The following NOL4L variants were observed in gnomAD, a reference collection of about 807,000 sequenced individuals.
The protein encoded by NOL4L is nucleolar protein 4 like, also known as nucleolar protein 4-like.
Under a neutral mutation model 64.5 loss-of-function variants are expected in NOL4L, and 7 were observed. That is an observed-to-expected ratio of 0.11 (90% confidence interval 0.06 to 0.20). The LOEUF (loss-of-function observed/expected upper bound fraction) is 0.20. NOL4L is among the 10% of genes least tolerant of loss of function. The pLI, the probability that NOL4L is intolerant of heterozygous loss-of-function variation, is 1.00. For synonymous variants in NOL4L, 413 were observed against 401.0 expected, an observed-to-expected ratio of 1.03 and a Z score of -0.36; for missense variants, 680 against 967.1, an observed-to-expected ratio of 0.70 and a Z score of 3.94.
At chr20:32,584,098 C>CT (rs1486641237) in intron 1 of NOL4L, among the ~76,000 whole-genome samples, 2 of 139,358 alleles carry the variant, frequency 1.4e-5, no homozygotes, top group Admixed American at 6.9e-5. Context: ...GCCTCCCTCC[C>CT]CCCCCCCCAC....
At chr20:32,512,044 AC>A (rs1035341967) in intron 3 of NOL4L, among the ~76,000 whole-genome samples, 2 of 150,750 alleles carry the variant, frequency 1.3e-5, no homozygotes, top group African/African-American at 2.4e-5. Flanking sequence ...CAGCAAACCC[AC>A]CCCCACAACA....
At chr20:32,543,659 G>A (rs1048191860) in intron 1 of NOL4L, among the ~76,000 whole-genome samples, 13 of 152,128 alleles carry the variant, frequency 8.5e-5, no homozygotes, top group Middle Eastern at 3.4e-3. Context: ...GTGTGGTGGT[G>A]CACACCTGTA....
chr20:32,447,860 C>T (rs2012453247), intron 10 of NOL4L, 44 bp from the exon 11 acceptor site: 2 of 1,514,914 alleles, frequency 1.3e-6, no homozygotes, highest in Non-Finnish European at 1.8e-6. Context: ...GCCACCCTGC[C>T]TGGCATCTGG....
chr20:32,448,878 T>C lies in NOL4L; in HGVS notation c.1823-1062A>G, dbSNP rs76263517. 9.0e-3 allele frequency among the ~76,000 whole-genome samples: 1,370 copies of C among 152,300 alleles called. 27 individuals are homozygous for C. The highest frequency in any genetic ancestry group is 0.03 in the African/African-American group (1,262 of 41,554). ...TCTGCTACTTCATTGGCAAATTCTT[T>C]AACTTCTCTGGGCCTCAGAGCCCTC... On this transcript the variant is annotated intron_variant, in intron 10 of 10. Transcript: ENST00000621426.
chr20:32,509,659 A>G (rs1295270146), intron 4 of NOL4L: 3 of 887,992 alleles, frequency 3.4e-6, no homozygotes, highest in Non-Finnish European at 4.5e-6. Flanking sequence ...CACCTAACCC[A>G]TAGTCTTAAC....
At chr20:32,477,049 C>T (rs1161995622) in intron 4 of NOL4L, among the ~76,000 whole-genome samples, 2 of 152,210 alleles carry the variant, frequency 1.3e-5, no homozygotes, top group Non-Finnish European at 2.9e-5. Flanking sequence ...AAGTTCCCCT[C>T]CCACAGTGCA....
In NOL4L at chr20:32,459,486, C is replaced by A. The variant is rs140913154; in HGVS notation, c.842-3091G>T. On this transcript the variant is annotated intron_variant, in intron 5 of 10. Coordinates refer to ENST00000621426, the MANE Select transcript of NOL4L (RefSeq NM_001256798.2). ...GCAACCTCCACCTCCCAGGTTCAAGCGATTCTCCTGCCTCAGCCTCCCAAG... is the reference window on the plus strand; with the variant it reads ...GCAACCTCCACCTCCCAGGTTCAAGAGATTCTCCTGCCTCAGCCTCCCAAG... Among the ~76,000 whole-genome samples the A allele has an allele frequency of 4.4e-3, 672 of 151,350 alleles. 7 individuals are homozygous for A. The highest frequency in any genetic ancestry group is 0.022 in the South Asian group (105 of 4,792).
intron 1 of NOL4L, among the ~76,000 whole-genome samples, chr20:32,533,984 A>G (rs1202973531): frequency 6.6e-6 from 1 of 152,244 alleles, no homozygotes; most frequent in Non-Finnish European, 1.5e-5. Context: ...AGTGAGGTCC[A>G]GTTGCTAATG....
chr20:32,480,676 T>C (rs966762040), intron 4 of NOL4L, among the ~76,000 whole-genome samples: 1 of 152,194 alleles, frequency 6.6e-6, no homozygotes, highest in African/African-American at 2.4e-5. Context: ...CTGAACCGCA[T>C]GTGACCCCAA....
intron 5 of NOL4L, among the ~76,000 whole-genome samples, chr20:32,457,887 G>A (rs1272971248): frequency 2.0e-5 from 3 of 152,194 alleles, no homozygotes; most frequent in Non-Finnish European, 2.9e-5. Flanking sequence ...CCAGTCTGGA[G>A]CCAACACATT....
At chr20:32,553,474 G>A (rs1402632416) in intron 1 of NOL4L, among the ~76,000 whole-genome samples, 1 of 152,182 alleles carries the variant, frequency 6.6e-6, no homozygotes, top group Admixed American at 6.5e-5. Context: ...CTCACCTCCA[G>A]TGGGTCTCTG....
intron 5 of NOL4L, among the ~76,000 whole-genome samples, chr20:32,459,165 C>A (rs2013820483): frequency 6.6e-6 from 1 of 152,102 alleles, no homozygotes; most frequent in Admixed American, 6.5e-5. Flanking sequence ...GCCAAGTGTT[C>A]CAAGCTGTTA....
chr20:32,468,917 A>AAAAAAG (rs1555792102), intron 5 of NOL4L, among the ~76,000 whole-genome samples: 3 of 109,762 alleles, frequency 2.7e-5, no homozygotes, highest in African/African-American at 7.9e-5. Context: ...AAAAAAAAAA[A>AAAAAAG]AAAGAAAGAA....
At chr20:32,536,444 C>G in intron 1 of NOL4L, 1 of 339,638 alleles carries the variant, frequency 2.9e-6, no homozygotes, top group Non-Finnish European at 4.1e-6. Flanking sequence ...GCGCTGGGGC[C>G]GAGCTGGCCG....
chr20:32,509,559 G>A (rs2017298634), intron 4 of NOL4L, among the ~76,000 whole-genome samples: 2 of 149,880 alleles, frequency 1.3e-5, no homozygotes, highest in South Asian at 4.2e-4. Flanking sequence ...AGAAAATCTA[G>A]GGGTACTGCT....
intron 4 of NOL4L, among the ~76,000 whole-genome samples, chr20:32,502,868 T>C (rs980220466): frequency 5.9e-5 from 9 of 152,044 alleles, no homozygotes; most frequent in African/African-American, 1.9e-4. Flanking sequence ...CGAGATCACA[T>C]CATTGCACTC....
chr20:32,461,925 C>T (rs1235039353), intron 5 of NOL4L, among the ~76,000 whole-genome samples: 2 of 151,998 alleles, frequency 1.3e-5, no homozygotes, highest in African/African-American at 2.4e-5. Flanking sequence ...CTCCTGCTGC[C>T]CCCTAGATCA....
intron 10 of NOL4L, among the ~76,000 whole-genome samples, chr20:32,451,022 G>C (rs1390578588): frequency 1.3e-5 from 2 of 152,150 alleles, no homozygotes; most frequent in Non-Finnish European, 2.9e-5. Flanking sequence ...GAGGCAGCCT[G>C]GGCTTCCTGC....
intron 1 of NOL4L, among the ~76,000 whole-genome samples, chr20:32,530,970 C>G (rs1027222970): frequency 3.9e-5 from 6 of 152,052 alleles, no homozygotes; most frequent in African/African-American, 1.4e-4. Context: ...CTGTGTATTT[C>G]TGTATGTCTG....
Sources: allele counts gnomAD v4.1 joint callset (sites outside exome capture counted in the v4.1 genomes callset), GRCh38; gene constraint gnomAD v4.1.1; transcripts MANE v1.5; gene names NCBI Gene and HGNC (gene_info 2026-07-23, HGNC 2026-07-21).